Variants in CCN6 observed in about 807,000 individuals in gnomAD.
The protein encoded by CCN6 is CCN family member 6.
Under a neutral mutation model 37.4 loss-of-function variants are expected in CCN6, and 31 were observed. The observed-to-expected ratio is 0.83, with a 90% CI of 0.62 to 1.12. The LOEUF is 1.12. Among genes scored for constraint, CCN6 ranks in the 50% most tolerant of loss-of-function variants. CCN6 has a pLI of 0.00. For synonymous variants in CCN6, 137 were observed against 142.1 expected, an observed-to-expected ratio of 0.96 and a Z score of 0.26; for missense variants, 369 against 413.8, an observed-to-expected ratio of 0.89 and a Z score of 0.94.
chr6:112,068,545 G>A, intron 4 of CCN6, 147 bp downstream of exon 4: 2 of 788,218 alleles, frequency 2.5e-6, no homozygotes, highest in Non-Finnish European at 3.9e-6. Flanking sequence ...CTATTTCAGA[G>A]GAAAACAGGT....
chr6:112,067,078 G>A, intron 3 of CCN6: 1 of 1,316,518 alleles, frequency 7.6e-7, no homozygotes, highest in Non-Finnish European at 1.0e-6. Flanking sequence ...ATGTGCAATT[G>A]CAAGAGACTC....
At chr6:112,060,054 C>A in intron 1 of CCN6, 1 of 1,366,442 alleles carries the variant, frequency 7.3e-7, no homozygotes, top group Non-Finnish European at 9.8e-7. Flanking sequence ...AGTCAGAGAA[C>A]AAGGACGCTG....
intron 1 of CCN6, among the ~76,000 whole-genome samples, chr6:112,055,579 C>CTTTATTTA (rs375824740): frequency 0.012 from 1,753 of 151,392 alleles, 32 homozygotes; most frequent in African/African-American, 0.04. Flanking sequence ...GTGCTGGGTG[C>CTTTATTTA]TTTATTTATT....
chr6:112,064,421 T>C (rs1291028149), intron 2 of CCN6, among the ~76,000 whole-genome samples: 1 of 152,212 alleles, frequency 6.6e-6, no homozygotes, highest in African/African-American at 2.4e-5. Context: ...TCCTAGCCTA[T>C]TGTTGGATGT....
rs190090197 is a variant in CCN6 at position 112,068,198 on chromosome 6, G to C, written c.590-7G>C. The C allele has an allele frequency of 2.7e-4, 438 of 1,606,614 alleles. 3 individuals are homozygous for C. In the Admixed American group the frequency reaches 6.3e-3, roughly 23 times the overall value. On this transcript the variant is annotated splice_region_variant and splice_polypyrimidine_tract_variant and intron_variant, in intron 3 of 4. Coordinates refer to ENST00000368666, the MANE Select transcript of CCN6 (RefSeq NM_198239.2). ...TATACATATGTACTTTTCTCCCTTT[G>C]TTTTAGCTTATAGAAATCTCCCACT...
chr6:112,067,557 T>C (rs111270896), intron 3 of CCN6, among the ~76,000 whole-genome samples: 139 of 152,238 alleles, frequency 9.1e-4, no homozygotes, highest in African/African-American at 3.0e-3. Context: ...TCTTAGCCAA[T>C]TGGAGAGTAC....
At position 112,065,005 on chromosome 6, in the gene CCN6, G is replaced by A; in HGVS notation, c.589+8G>A. 6.2e-7 allele frequency: 1 copy of A among 1,613,928 alleles called. No individual in the cohort carries two copies. Among genetic ancestry groups the A allele is most frequent in the Non-Finnish European group, 8.5e-7 (1 of 1,179,890 alleles). ...GCTACAAAACAATGCCAGGTGCTCA[G>A]AAGTAGAGCTATTTTTCACGTATGA... is the stretch of plus-strand genomic sequence containing the variant. On this transcript the variant is annotated splice_region_variant and intron_variant, in intron 3 of 4. Transcript: ENST00000368666.
chr6:112,066,199 AC>A, intron 3 of CCN6, among the ~76,000 whole-genome samples: 1 of 152,320 alleles, frequency 6.6e-6, no homozygotes, highest in East Asian at 1.9e-4. Flanking sequence ...CATTTACTAT[AC>A]ATGTTCAGTT....
chr6:112,055,335 T>C lies in CCN6; in HGVS notation c.48+930T>C, dbSNP rs369703042. On this transcript the variant is annotated intron_variant, in intron 1 of 4. Coordinates refer to ENST00000368666, the MANE Select transcript of CCN6 (RefSeq NM_198239.2). ...CTGTGTGCCTCCTATTCCACTGTTC[T>C]TGAGAAAAAGCCTGTCATTGTGGAT... 1.8e-4 allele frequency among the ~76,000 whole-genome samples: 28 copies of C among 152,330 alleles called. No individual in the cohort carries two copies. In the East Asian group the frequency reaches 5.0e-3, roughly 27 times the overall value.
intron 1 of CCN6, chr6:112,054,749 A>G: frequency 3.5e-6 from 1 of 283,120 alleles, no homozygotes; most frequent in Non-Finnish European, 6.8e-6. Context: ...TGCCAGCTCC[A>G]GGCGGAGGCT....
intron 2 of CCN6, among the ~76,000 whole-genome samples, chr6:112,063,329 C>T (rs1490853127): frequency 6.6e-6 from 1 of 152,144 alleles, no homozygotes; most frequent in Non-Finnish European, 1.5e-5. Flanking sequence ...AAATTAGCTG[C>T]ATCATGGAAT....
At position 112,058,070 on chromosome 6, in the gene CCN6, T is replaced by C. The variant is rs1339118196; in HGVS notation, c.49-2921T>C. Among the ~76,000 whole-genome samples, 11 of 152,246 alleles carry C rather than the reference T, an allele frequency of 7.2e-5. No homozygotes were observed. The East Asian group carries it at 1.9e-3, about 27-fold the overall frequency. On this transcript the variant is annotated intron_variant, in intron 1 of 4. Coordinates refer to ENST00000368666, the MANE Select transcript of CCN6 (RefSeq NM_198239.2). ...GTGCAAAACTGAGATGGAGGCAAAA[T>C]TTTTTTAAGTTTAAAATTTTTTTAG...
In CCN6 at chr6:112,058,777, C is replaced by A. The variant is rs587712198; in HGVS notation, c.49-2214C>A. 3.3e-5 allele frequency among the ~76,000 whole-genome samples: 5 copies of A among 152,326 alleles called. No individual in the cohort carries two copies. In the East Asian group the frequency reaches 9.6e-4, roughly 29 times the overall value. On this transcript the variant is annotated intron_variant, in intron 1 of 4. Coordinates refer to ENST00000368666, the MANE Select transcript of CCN6 (RefSeq NM_198239.2). ...CAAGACACGAGGAGGGCCCTGAATGCTGTGCATAAGTGCTTGCACATTTCC... is the reference window on the plus strand; with the variant it reads ...CAAGACACGAGGAGGGCCCTGAATGATGTGCATAAGTGCTTGCACATTTCC...
At chr6:112,053,446 G>A (rs1182741275), upstream of CCN6, among the ~76,000 whole-genome samples, 1 of 151,052 alleles carries the variant, frequency 6.6e-6, no homozygotes, top group Non-Finnish European at 1.5e-5. Flanking sequence ...ACAGGCGCCT[G>A]CCACCACACC....
chr6:112,068,372 G>A lies in CCN6; in HGVS notation c.757G>A (p.Asp253Asn), dbSNP rs140750750. The A allele has an allele frequency of 2.0e-5, 33 of 1,612,460 alleles. No homozygotes were observed. Among genetic ancestry groups the A allele is most frequent in the African/African-American group, 4.0e-5 (3 of 74,832 alleles). ...AAGACTGTGTTACATTCAGCCTTGCGACAGCAATATATTAAAGACAATAAA... is the reference window on the plus strand; with the variant it reads ...AAGACTGTGTTACATTCAGCCTTGCAACAGCAATATATTAAAGACAATAAA... ...EKRLCYIQPC[D>N]SNILKTIKIP... Residue 253 changes from aspartate (D) to asparagine (N), a missense_variant, in exon 4 of 5, where the codon GAC becomes AAC. By Grantham distance (23) the Asp-to-Asn change is conservative. Coordinates refer to ENST00000368666, the MANE Select transcript of CCN6 (RefSeq NM_198239.2).
chr6:112,069,337 A>C lies in CCN6; in HGVS notation c.784-2A>C. ...ATGACTTCATTTTATCTATCTTTTCAGATTCCCAAAGGAAAAACATGCCAA... is the reference window on the plus strand; with the variant it reads ...ATGACTTCATTTTATCTATCTTTTCCGATTCCCAAAGGAAAAACATGCCAA... On this transcript the variant is annotated splice_acceptor_variant, in intron 4 of 4. Coordinates refer to ENST00000368666, the MANE Select transcript of CCN6 (RefSeq NM_198239.2). LOFTEE classifies it high-confidence loss of function. 6.2e-7 allele frequency: 1 copy of C among 1,612,694 alleles called. No individual in the cohort carries two copies. Among genetic ancestry groups the C allele is most frequent in the Non-Finnish European group, 8.5e-7 (1 of 1,179,688 alleles).
chr6:112,054,883 T>C (rs1317468430), intron 1 of CCN6: 11 of 198,274 alleles, frequency 5.5e-5, no homozygotes, highest in African/African-American at 2.6e-4. Flanking sequence ...ACATTTACAT[T>C]TTTAAAACAT....
At chr6:112,055,102 T>A (rs1482024331) in intron 1 of CCN6, among the ~76,000 whole-genome samples, 1 of 152,218 alleles carries the variant, frequency 6.6e-6, no homozygotes, top group African/African-American at 2.4e-5. Context: ...GAGACAGAGC[T>A]TTTGAAATCT....
rs587645497 is a variant in CCN6 at position 112,067,427 on chromosome 6, T to C, written c.590-778T>C. Among the ~76,000 whole-genome samples the C allele has an allele frequency of 2.0e-5, 3 of 152,250 alleles. No individual in the cohort carries two copies. In the East Asian group the frequency reaches 5.8e-4, roughly 29 times the overall value. ...TGGAAATGGGAGCATTATTAGACCCTCTTATATTCTCTCTTCCCCTCCTAT... is the reference window on the plus strand; with the variant it reads ...TGGAAATGGGAGCATTATTAGACCCCCTTATATTCTCTCTTCCCCTCCTAT... On this transcript the variant is annotated intron_variant, in intron 3 of 4. Transcript: ENST00000368666.
Sources: gnomAD v4.1 joint callset for allele counts (sites outside exome capture counted in the v4.1 genomes callset) on GRCh38, gnomAD v4.1.1 for gene constraint, MANE v1.5 for transcripts, NCBI Gene and HGNC (gene_info 2026-07-23, HGNC 2026-07-21) for gene names.